The following CHSY3 variants were observed in gnomAD, a reference collection of about 807,000 sequenced individuals.
The protein encoded by CHSY3 is chondroitin sulfate synthase 3.
CHSY3 carries 35 observed loss-of-function variants against 67.2 expected under a neutral mutation model. The ratio of observed to expected loss-of-function variants is 0.52; its 90% confidence interval spans 0.40 to 0.69. The LOEUF is 0.69. Ranked by LOEUF, CHSY3 falls within the 30% of genes least tolerant of loss-of-function variation. The probability of loss-of-function intolerance (pLI) is 0.00; values close to 1 mark genes in which losing one functional copy is unlikely to be tolerated. For synonymous variants in CHSY3, 474 were observed against 434.7 expected (o/e 1.09, Z -1.12); for missense variants, 1,069 against 1,138.5 (o/e 0.94, Z 0.88).
At chr5:130,074,975 G>A (rs922215205) in intron 2 of CHSY3, among the ~76,000 whole-genome samples, 1 of 152,134 alleles carries the variant, frequency 6.6e-6, no homozygotes, top group Admixed American at 6.6e-5. Context: ...TCTGTCATCT[G>A]TAGATGAAAT....
chr5:130,148,400 G>A (rs974688213), intron 2 of CHSY3, among the ~76,000 whole-genome samples: 22 of 152,202 alleles, frequency 1.4e-4, no homozygotes, highest in African/African-American at 5.3e-4. Context: ...TATTCCTTTG[G>A]GTATATACCC....
At chr5:130,002,676 CTATT>C (rs1240558978) in intron 2 of CHSY3, among the ~76,000 whole-genome samples, 1 of 151,914 alleles carries the variant, frequency 6.6e-6, no homozygotes, top group Non-Finnish European at 1.5e-5. Flanking sequence ...AAATGGATAA[CTATT>C]TGAGATGATG....
intron 2 of CHSY3, among the ~76,000 whole-genome samples, chr5:129,971,000 A>G (rs1442919183): frequency 6.6e-6 from 1 of 151,898 alleles, no homozygotes; most frequent in East Asian, 1.9e-4. Context: ...TTATTATAGT[A>G]TGTGCCTATA....
At chr5:130,090,481 G>C (rs1474719418) in intron 2 of CHSY3, among the ~76,000 whole-genome samples, 1 of 152,110 alleles carries the variant, frequency 6.6e-6, no homozygotes, top group African/African-American at 2.4e-5. Flanking sequence ...AGGAAAACAA[G>C]GCTGGTGCCC....
At chr5:130,013,339 C>A (rs1764121781) in intron 2 of CHSY3, among the ~76,000 whole-genome samples, 1 of 152,192 alleles carries the variant, frequency 6.6e-6, no homozygotes, top group African/African-American at 2.4e-5. Flanking sequence ...CTCCACCAGG[C>A]AATGCCCTAG....
chr5:130,059,971 A>T, intron 2 of CHSY3, among the ~76,000 whole-genome samples: 1 of 152,158 alleles, frequency 6.6e-6, no homozygotes, highest in East Asian at 1.9e-4. Flanking sequence ...CACTTTTAAA[A>T]AATGAAGTGA....
intron 2 of CHSY3, among the ~76,000 whole-genome samples, chr5:130,035,678 TGAGAAATCTGATATATCA>T (rs923712845): frequency 3.9e-5 from 6 of 152,126 alleles, no homozygotes; most frequent in African/African-American, 1.4e-4. Flanking sequence ...TTTCTGTTCA[TGAGAAATCTGATATATCA>T]GATCTTCAGT....
At chr5:130,143,756 A>ATATATATATATATATATGTG (rs1433405052) in intron 2 of CHSY3, among the ~76,000 whole-genome samples, 15 of 101,914 alleles carry the variant, frequency 1.5e-4, no homozygotes, top group African/African-American at 7.2e-4. Flanking sequence ...ATATATATAT[A>ATATATATATATATATATGTG]TGTGTGTGTG....
intron 2 of CHSY3, among the ~76,000 whole-genome samples, chr5:129,949,700 A>G (rs56804452): frequency 0.044 from 6,638 of 152,264 alleles, 476 homozygotes; most frequent in African/African-American, 0.15. Context: ...GAACATACAT[A>G]CAAAAATCCC....
intron 2 of CHSY3, among the ~76,000 whole-genome samples, chr5:129,911,683 A>G (rs1760555494): frequency 6.6e-6 from 1 of 152,218 alleles, no homozygotes; most frequent in Admixed American, 6.5e-5. Context: ...AAATTCTCAG[A>G]GAGTTAAGCT....
intron 2 of CHSY3, among the ~76,000 whole-genome samples, chr5:129,950,325 A>G (rs1761990013): frequency 1.3e-5 from 2 of 152,170 alleles, no homozygotes; most frequent in Admixed American, 6.6e-5. Context: ...ATCATACATA[A>G]TAGTGAAAAA....
intron 2 of CHSY3, among the ~76,000 whole-genome samples, chr5:130,071,040 A>G (rs1561523031): frequency 6.6e-6 from 1 of 151,836 alleles, no homozygotes. Context: ...ATAGATAGAC[A>G]GAGAGACGGA....
chr5:129,960,709 G>A (rs10477711), intron 2 of CHSY3, among the ~76,000 whole-genome samples: 143,265 of 152,078 alleles, frequency 0.94, 67,591 homozygotes, highest in East Asian at 1. Context: ...TTTGTTTTAT[G>A]TATGAAATAT....
At chr5:130,066,263 G>A (rs187754917) in intron 2 of CHSY3, among the ~76,000 whole-genome samples, 1 of 152,110 alleles carries the variant, frequency 6.6e-6, no homozygotes, top group Non-Finnish European at 1.5e-5. Context: ...CAACTATGCT[G>A]GGTATTATTT....
intron 2 of CHSY3, among the ~76,000 whole-genome samples, chr5:129,978,170 T>C (rs1226488429): frequency 1.3e-5 from 2 of 152,186 alleles, no homozygotes; most frequent in African/African-American, 2.4e-5. Flanking sequence ...CTTAGAGTAC[T>C]AATTATTTTG....
At chr5:130,001,562 C>A in intron 2 of CHSY3, 1 of 877,062 alleles carries the variant, frequency 1.1e-6, no homozygotes, top group Non-Finnish European at 1.4e-6. Flanking sequence ...TCCCTCCTGT[C>A]CTTGCCTTTA....
chr5:129,906,383 C>T (rs1760300840), intron 1 of CHSY3, among the ~76,000 whole-genome samples: 1 of 152,176 alleles, frequency 6.6e-6, no homozygotes, highest in Non-Finnish European at 1.5e-5. Context: ...GGAAAGCACC[C>T]GCTAATAAGC....
At chr5:130,108,643 T>A (rs1171729024) in intron 2 of CHSY3, among the ~76,000 whole-genome samples, 1 of 151,650 alleles carries the variant, frequency 6.6e-6, no homozygotes, top group African/African-American at 2.4e-5. Flanking sequence ...GAAGGTTTTA[T>A]CAAAGATGAG....
chr5:130,060,607 G>A (rs1056450604), intron 2 of CHSY3, among the ~76,000 whole-genome samples: 6 of 152,128 alleles, frequency 3.9e-5, no homozygotes, highest in African/African-American at 1.4e-4. Flanking sequence ...CAAATTGAAA[G>A]AGAATAAGTG....
Sources: gnomAD v4.1 joint callset for allele counts (sites outside exome capture counted in the v4.1 genomes callset) on GRCh38, gnomAD v4.1.1 for gene constraint, MANE v1.5 for transcripts, NCBI Gene and HGNC (gene_info 2026-07-23, HGNC 2026-07-21) for gene names.